NAV3: variants seen among roughly 807,000 people sequenced by gnomAD.
The protein encoded by NAV3 is neuron navigator 3.
A neutral mutation model predicts 244.7 loss-of-function variants in NAV3; 87 were observed. The ratio of observed to expected loss-of-function variants is 0.36; its 90% CI spans 0.30 to 0.42. The LOEUF is 0.42. NAV3 is among the 20% of genes least tolerant of loss of function. The pLI, the probability that NAV3 is intolerant of heterozygous loss-of-function variation, is 1.00. For missense variants in NAV3, 2,663 were observed against 2,893.3 expected, an observed-to-expected ratio of 0.92 and a Z score of 1.83; for synonymous variants, 1,126 against 1,042.2, an observed-to-expected ratio of 1.08 and a Z score of -1.55.
chr12:77,591,416 AT>A (rs1402386509), intron 2 of NAV3, among the ~76,000 whole-genome samples: 1 of 152,188 alleles, frequency 6.6e-6, no homozygotes. Flanking sequence ...GATGTTCGTT[AT>A]TTAATTGTTT....
chr12:77,932,964 T>C (rs967906258), intron 1 of NAV3, among the ~76,000 whole-genome samples: 3 of 152,230 alleles, frequency 2.0e-5, no homozygotes, highest in African/African-American at 4.8e-5. Context: ...GGAATATGCT[T>C]TCCCCTTCCT....
At chr12:77,599,509 T>C (rs1194340196) in intron 2 of NAV3, among the ~76,000 whole-genome samples, 2 of 151,896 alleles carry the variant, frequency 1.3e-5, no homozygotes, top group Non-Finnish European at 2.9e-5. Flanking sequence ...TGATTCTGTT[T>C]GTTAAAATAT....
At chr12:77,770,319 T>C (rs1009379035) in intron 2 of NAV3, among the ~76,000 whole-genome samples, 3 of 152,164 alleles carry the variant, frequency 2.0e-5, no homozygotes, top group Non-Finnish European at 1.5e-5. Flanking sequence ...CTTAGAGGTA[T>C]AGCACTTCTG....
chr12:78,082,757 C>T (rs1444557138), intron 12 of NAV3, among the ~76,000 whole-genome samples: 1 of 152,146 alleles, frequency 6.6e-6, no homozygotes, highest in Non-Finnish European at 1.5e-5. Context: ...ATAGCTGAAA[C>T]CCTTTTACTA....
intron 8 of NAV3, among the ~76,000 whole-genome samples, chr12:78,011,139 C>G (rs1203960414): frequency 6.6e-6 from 1 of 152,018 alleles, no homozygotes; most frequent in Admixed American, 6.6e-5. Flanking sequence ...TAAGAAGTTC[C>G]TGATAACTAG....
chr12:77,586,373 C>T (rs1347289271), intron 2 of NAV3, among the ~76,000 whole-genome samples: 1 of 152,072 alleles, frequency 6.6e-6, no homozygotes, highest in African/African-American at 2.4e-5. Flanking sequence ...TGGTAAGATT[C>T]TTTCCAAAAT....
intron 5 of NAV3, among the ~76,000 whole-genome samples, chr12:77,994,474 TCA>T (rs1872007029): frequency 6.6e-6 from 1 of 152,218 alleles, no homozygotes; most frequent in African/African-American, 2.4e-5. Context: ...CCCTGAAGTT[TCA>T]CAGTCATTTA....
At chr12:77,572,527 C>A (rs1868874905) in intron 2 of NAV3, among the ~76,000 whole-genome samples, 1 of 152,106 alleles carries the variant, frequency 6.6e-6, no homozygotes, top group Non-Finnish European at 1.5e-5. Flanking sequence ...TACTAGTGAC[C>A]TGTTGAACTG....
chr12:78,175,535 C>CA, intron 25 of NAV3, 108 bp downstream of exon 25: 2 of 1,389,800 alleles, frequency 1.4e-6, no homozygotes, highest in South Asian at 2.6e-5. Context: ...GGGTCCCATT[C>CA]AAGCTACTGA....
At chr12:77,619,302 C>T (rs575244917) in intron 2 of NAV3, among the ~76,000 whole-genome samples, 3 of 152,210 alleles carry the variant, frequency 2.0e-5, no homozygotes, top group African/African-American at 7.2e-5. Context: ...AACTTATGTC[C>T]ATCAATAGTA....
chr12:77,968,316 T>C (rs1272893326), intron 4 of NAV3, among the ~76,000 whole-genome samples: 1 of 152,234 alleles, frequency 6.6e-6, no homozygotes, highest in Non-Finnish European at 1.5e-5. Context: ...TCTATCCTTT[T>C]ATTCTCTCCC....
At chr12:77,953,332 T>C (rs1356062852) in intron 3 of NAV3, among the ~76,000 whole-genome samples, 2 of 152,146 alleles carry the variant, frequency 1.3e-5, no homozygotes, top group African/African-American at 2.4e-5. Flanking sequence ...AGCTCCATAT[T>C]AGGAAGAGTA....
At chr12:77,815,062 G>C (rs1161534433) in intron 2 of NAV3, among the ~76,000 whole-genome samples, 1 of 152,202 alleles carries the variant, frequency 6.6e-6, no homozygotes, top group Non-Finnish European at 1.5e-5. Context: ...GTGAGCCCCA[G>C]TGGCAGAAGG....
intron 25 of NAV3, 100 bp downstream of exon 25, chr12:78,175,527 G>A (rs2139655388): frequency 1.4e-6 from 2 of 1,456,950 alleles, no homozygotes; most frequent in South Asian, 2.5e-5. Flanking sequence ...TTTACAAAGG[G>A]TCCCATTCAA....
At chr12:78,042,514 C>T (rs13377638) in intron 9 of NAV3, among the ~76,000 whole-genome samples, 5,066 of 152,272 alleles carry the variant, frequency 0.033, 284 homozygotes, top group African/African-American at 0.11. Flanking sequence ...AGACCTCAGC[C>T]GGGCATGGTG....
At chr12:77,750,630 G>C (rs1868800914) in intron 2 of NAV3, among the ~76,000 whole-genome samples, 2 of 152,162 alleles carry the variant, frequency 1.3e-5, no homozygotes, top group Middle Eastern at 3.4e-3. Context: ...TGACTGTCTT[G>C]TTTGGCTTTC....
intron 21 of NAV3, among the ~76,000 whole-genome samples, chr12:78,148,156 G>GT (rs951116658): frequency 2.6e-5 from 4 of 152,064 alleles, no homozygotes; most frequent in African/African-American, 4.8e-5. Flanking sequence ...CCTATCATTG[G>GT]TTTTTTCCCC....
At chr12:78,070,278 T>C (rs1239193231) in intron 12 of NAV3, among the ~76,000 whole-genome samples, 1 of 152,138 alleles carries the variant, frequency 6.6e-6, no homozygotes, top group Admixed American at 6.6e-5. Context: ...AACAACCTTC[T>C]AGGTTTGATA....
At chr12:77,926,359 T>C (rs964603789) in intron 1 of NAV3, among the ~76,000 whole-genome samples, 4 of 152,288 alleles carry the variant, frequency 2.6e-5, no homozygotes, top group African/African-American at 9.6e-5. Context: ...AGGCAATGCT[T>C]ACCTTACCTT....
Sources: gnomAD v4.1 joint callset for allele counts (sites outside exome capture counted in the v4.1 genomes callset) on GRCh38, gnomAD v4.1.1 for gene constraint, MANE v1.5 for transcripts, NCBI Gene and HGNC (gene_info 2026-07-23, HGNC 2026-07-21) for gene names.